Variants in PTPRO observed in about 807,000 individuals in gnomAD.
PTPRO encodes receptor-type tyrosine-protein phosphatase O.
PTPRO carries 62 observed loss-of-function variants against 145.2 expected under a neutral mutation model. The ratio of observed to expected loss-of-function variants is 0.43; its 90% CI spans 0.35 to 0.53. PTPRO has a LOEUF of 0.53. PTPRO is among the 20% of genes least tolerant of loss of function. PTPRO has a pLI of 0.01. For missense variants in PTPRO, 1,345 were observed against 1,482.7 expected (o/e 0.91, Z 1.53); for synonymous variants, 565 against 514.7 (o/e 1.10, Z -1.32).
chr12:15,543,877 A>G (rs1943225390), intron 12 of PTPRO, among the ~76,000 whole-genome samples: 2 of 152,220 alleles, frequency 1.3e-5, no homozygotes, highest in African/African-American at 2.4e-5. Context: ...ATGGGCTGAC[A>G]TAGAGCACTG....
chr12:15,484,202 G>A lies in PTPRO; in HGVS notation c.304G>A (p.Gly102Arg), dbSNP rs1317926330. The stretch of plus-strand genomic sequence containing the variant: ...TATAATCACTCTGGTAGTGGTAAAT[G>A]GAAATGTGGTGACCAAGCCATCCAG... Reference protein sequence around the residue: ...YYIITLVVVNGNVVTKPSRSI... With the variant: ...YYIITLVVVNRNVVTKPSRSI... Residue 102 changes from glycine to arginine, a missense_variant, in exon 2 of 27, where the codon GGA becomes AGA. Physicochemically the swap from Gly to Arg is moderately radical, Grantham distance 125 (BLOSUM62 -2). Around this residue, in one of 3 missense-constraint regions of PTPRO, gnomAD observed 1,130 missense variants for 1,214.7 expected, o/e 0.93. Coordinates refer to ENST00000281171, the MANE Select transcript of PTPRO (RefSeq NM_030667.3). 1.9e-6 allele frequency: 3 copies of A among 1,613,516 alleles called. No homozygotes were observed. Among genetic ancestry groups the A allele is most frequent in the Non-Finnish European group, 2.5e-6 (3 of 1,179,680 alleles).
intron 1 of PTPRO, among the ~76,000 whole-genome samples, chr12:15,466,596 G>A (rs767873969): frequency 6.6e-6 from 1 of 152,104 alleles, no homozygotes; most frequent in African/African-American, 2.4e-5. Flanking sequence ...TAAGCACATA[G>A]TGTGTGTAAC....
chr12:15,330,467 A>G (rs1334966787), intron 1 of PTPRO, among the ~76,000 whole-genome samples: 4 of 152,026 alleles, frequency 2.6e-5, no homozygotes, highest in East Asian at 3.9e-4. Context: ...CTTGAGATCA[A>G]CTCACCTCTC....
chr12:15,342,038 G>C (rs7976983), intron 1 of PTPRO, among the ~76,000 whole-genome samples: 151,772 of 152,352 alleles, frequency 1, 75,596 homozygotes, highest in East Asian at 1. Flanking sequence ...GACTCTGGGA[G>C]AGAGATGTTT....
intron 1 of PTPRO, among the ~76,000 whole-genome samples, chr12:15,473,976 C>G (rs1941599477): frequency 6.6e-6 from 1 of 152,036 alleles, no homozygotes; most frequent in Non-Finnish European, 1.5e-5. Flanking sequence ...TGGACTTCCC[C>G]TAGTTCTCAC....
rs140390981 is a variant in PTPRO at position 15,501,621 on chromosome 12, C to T, written c.663C>T (p.Ala221=). 1.6e-4 allele frequency: 255 copies of T among 1,611,714 alleles called. 1 individual carries two copies. The East Asian group carries it at 5.7e-3, about 36-fold the overall frequency. ...VSHEPKQHRT[A]PYPPQNISVR... ...AAATGAAAATTCTCTCTCTTACAGC[C>T]CCTTATCCACCTCAAAATATTTCCG... The change falls in exon 5 of 27, where the codon GCC becomes GCT. Residue 221 remains alanine (A), a splice_region_variant and synonymous_variant. Transcript: ENST00000281171.
chr12:15,509,607 G>A (rs1380110954), intron 7 of PTPRO, among the ~76,000 whole-genome samples: 2 of 143,262 alleles, frequency 1.4e-5, no homozygotes, highest in Non-Finnish European at 3.0e-5. Context: ...TGAGGCAAGA[G>A]AATCACTTGA....
intron 1 of PTPRO, among the ~76,000 whole-genome samples, chr12:15,359,570 T>TTTTA (rs61443098): frequency 0.24 from 35,913 of 150,192 alleles, 4,511 homozygotes; most frequent in Non-Finnish European, 0.29. Context: ...GCCTAGCTAA[T>TTTTA]TTTATTTATT....
At chr12:15,328,626 T>C (rs1866517797) in intron 1 of PTPRO, among the ~76,000 whole-genome samples, 1 of 152,174 alleles carries the variant, frequency 6.6e-6, no homozygotes, top group Non-Finnish European at 1.5e-5. Context: ...ATTATGAGTA[T>C]GAATGGTAAT....
chr12:15,439,089 C>T (rs1458529403), intron 1 of PTPRO, among the ~76,000 whole-genome samples: 1 of 152,128 alleles, frequency 6.6e-6, no homozygotes, highest in African/African-American at 2.4e-5. Flanking sequence ...TCACCAGAAA[C>T]CTTACAAGCC....
At chr12:15,433,330 C>T (rs1940502126) in intron 1 of PTPRO, among the ~76,000 whole-genome samples, 1 of 152,074 alleles carries the variant, frequency 6.6e-6, no homozygotes, top group Non-Finnish European at 1.5e-5. Flanking sequence ...TGTGTGCCAC[C>T]ATGCTCGGCT....
intron 1 of PTPRO, among the ~76,000 whole-genome samples, chr12:15,409,667 T>G (rs774373137): frequency 4.6e-5 from 7 of 152,064 alleles, no homozygotes; most frequent in Non-Finnish European, 7.4e-5. Flanking sequence ...TTGGGAAGCT[T>G]TTACAATCAT....
intron 1 of PTPRO, among the ~76,000 whole-genome samples, chr12:15,417,208 A>T (rs1203020729): frequency 6.6e-6 from 1 of 151,676 alleles, no homozygotes; most frequent in Admixed American, 6.5e-5. Context: ...TATAATGGAC[A>T]TACAGCCTGA....
At chr12:15,340,744 C>T (rs11830373) in intron 1 of PTPRO, among the ~76,000 whole-genome samples, 1,974 of 152,132 alleles carry the variant, frequency 0.013, 43 homozygotes, top group African/African-American at 0.045. Flanking sequence ...AGACTTATGC[C>T]CTGGCTTTAG....
Position 15,495,259 on chromosome 12 carries a change from A to C in PTPRO, c.350-1986A>C, listed in dbSNP as rs551247144. Among the ~76,000 whole-genome samples the C allele has an allele frequency of 4.0e-5, 6 of 151,654 alleles. No homozygotes were observed. In the South Asian group the frequency reaches 1.3e-3, roughly 32 times the overall value. ...TTTTTTGTAGATGCTGTTTTTCAGAAAACTCCAGGAAAAATCAAAGCATGA... is the reference window on the plus strand; with the variant it reads ...TTTTTTGTAGATGCTGTTTTTCAGACAACTCCAGGAAAAATCAAAGCATGA... On this transcript the variant is annotated intron_variant, in intron 2 of 26. Transcript: ENST00000281171.
intron 12 of PTPRO, among the ~76,000 whole-genome samples, chr12:15,544,001 A>G (rs75414308): frequency 6.6e-6 from 1 of 152,198 alleles, no homozygotes; most frequent in Non-Finnish European, 1.5e-5. Context: ...GATCTTAAAG[A>G]CATGGTATGT....
At chr12:15,469,570 A>T (rs1259125026) in intron 1 of PTPRO, among the ~76,000 whole-genome samples, 1 of 152,262 alleles carries the variant, frequency 6.6e-6, no homozygotes, top group African/African-American at 2.4e-5. Context: ...AACTGTTCCC[A>T]TGGTAACCTT....
chr12:15,396,566 T>C (rs1296126529), intron 1 of PTPRO, among the ~76,000 whole-genome samples: 1 of 152,182 alleles, frequency 6.6e-6, no homozygotes, highest in Non-Finnish European at 1.5e-5. Context: ...GTGATATTAA[T>C]GTATGTTTAG....
intron 19 of PTPRO, among the ~76,000 whole-genome samples, chr12:15,570,876 G>A (rs1413701949): frequency 6.6e-6 from 1 of 152,028 alleles, no homozygotes. Context: ...AACCTCTGCT[G>A]GCAACTCACA....
Sources: allele counts gnomAD v4.1 joint callset (sites outside exome capture counted in the v4.1 genomes callset), GRCh38; gene constraint gnomAD v4.1.1; regional missense constraint gnomAD v4.1.1; transcripts MANE v1.5; gene names NCBI Gene and HGNC (gene_info 2026-07-23, HGNC 2026-07-21).